Variants in ALDOB observed in about 807,000 individuals in gnomAD.
ALDOB encodes fructose-bisphosphate aldolase B.
Under a neutral mutation model 41.0 loss-of-function variants are expected in ALDOB, and 39 were observed. The observed-to-expected ratio is 0.95, with a 90% CI of 0.74 to 1.24. ALDOB has a LOEUF of 1.24. Among genes scored for constraint, ALDOB ranks in the 50% most tolerant of loss-of-function variants. The pLI, the probability that ALDOB is intolerant of heterozygous loss-of-function variation, is 0.00. For synonymous variants in ALDOB, 175 were observed against 168.8 expected (o/e 1.04, Z -0.28); for missense variants, 530 against 457.3 (o/e 1.16, Z -1.45).
chr9:101,432,695 A>T (rs1454436656), intron 1 of ALDOB, among the ~76,000 whole-genome samples: 51 of 152,142 alleles, frequency 3.4e-4, no homozygotes, highest in Non-Finnish European at 1.5e-5. Flanking sequence ...TTCCCCTCCC[A>T]TTTAATAGAT....
chr9:101,430,972 G>A, intron 1 of ALDOB, 75 bp from the exon 2 acceptor site: 1 of 999,662 alleles, frequency 1.0e-6, no homozygotes, highest in Non-Finnish European at 1.6e-6. Flanking sequence ...GACAGTTGGG[G>A]GTGCAGACAT....
chr9:101,422,536 T>C (rs1361970009), intron 8 of ALDOB, among the ~76,000 whole-genome samples: 1 of 152,204 alleles, frequency 6.6e-6, no homozygotes, highest in Non-Finnish European at 1.5e-5. Context: ...AGAAATTCCC[T>C]GGCCTTACCC....
intron 5 of ALDOB, 37 bp downstream of exon 5, chr9:101,427,445 G>T (rs546868362): frequency 2.0e-5 from 32 of 1,612,538 alleles, no homozygotes; most frequent in Non-Finnish European, 2.7e-5. Context: ...GAAAACTCTA[G>T]CCTACTCTTT....
intron 8 of ALDOB, among the ~76,000 whole-genome samples, chr9:101,422,128 G>GTTA (rs1487850423): frequency 6.6e-6 from 1 of 152,138 alleles, no homozygotes; most frequent in Non-Finnish European, 1.5e-5. Flanking sequence ...GTTTGTGTCA[G>GTTA]TTACTGGGGA....
rs1472415117 is a variant in ALDOB at position 101,421,462 on chromosome 9, A to C, written c.*347T>G. ...CTGCTAAGACTGTTTCATAAGATGC[A>C]CTTCTCTACACTCAGCTAATGAGGT... On this transcript the variant is annotated 3_prime_UTR_variant, in exon 9 of 9. Transcript: ENST00000647789. 2 of 367,452 alleles carry C rather than the reference A, an allele frequency of 5.4e-6. No individual in the cohort carries two copies. The highest frequency in any genetic ancestry group is 2.1e-5 in the African/African-American group (1 of 47,574). The allele number at this position is 367,452 out of a possible 1,614,324, so 22.8% of individuals were successfully genotyped here. A position where few individuals can be genotyped will look rare whatever the true frequency, so the allele number is the denominator to read the frequency against.
Position 101,429,935 on chromosome 9 carries a change from C to A in ALDOB, c.144G>T (p.Lys48Asn). The change falls in exon 3 of 9, where the codon AAG becomes AAT. Residue 48 changes from lysine (K) to asparagine (N), a missense_variant. Coordinates refer to ENST00000647789, the MANE Select transcript of ALDOB (RefSeq NM_000035.4). ...GTMGNRLQRI[K>N]VENTEENRRQ... ...GGCGGTTCTCTTCAGTGTTTTCCACCTTGATCCTCTGCAGGCGGTTCCCCA... is the reference window on the plus strand; with the variant it reads ...GGCGGTTCTCTTCAGTGTTTTCCACATTGATCCTCTGCAGGCGGTTCCCCA... 6.2e-7 allele frequency: 1 copy of A among 1,614,140 alleles called. No individual in the cohort carries two copies.
chr9:101,430,729 G>GA, intron 2 of ALDOB, 47 bp downstream of exon 2: 2 of 1,433,886 alleles, frequency 1.4e-6, no homozygotes, highest in South Asian at 2.3e-5. Flanking sequence ...GCTAAGTGTA[G>GA]AAAAAATAAT....
At chr9:101,425,835 C>T (rs1831120602) in intron 6 of ALDOB, among the ~76,000 whole-genome samples, 1 of 152,198 alleles carries the variant, frequency 6.6e-6, no homozygotes, top group Non-Finnish European at 1.5e-5. Context: ...GTCTTCATCA[C>T]CCCTAATCTA....
chr9:101,426,632 G>GATTT lies in ALDOB; in HGVS notation c.546_547insAAAT (p.Leu183LysfsTer7), dbSNP rs780040627. The GATTT allele has an allele frequency of 1.0e-5, 16 of 1,606,248 alleles. No homozygotes were observed. Among genetic ancestry groups the GATTT allele is most frequent in the Non-Finnish European group, 8.5e-7 (1 of 1,172,906 alleles). Reference sequence around the variant, plus strand: ...ACCTCTGGTTCAACAATAGGTACCAGTCCATTCTAAAAAGGAAAATCAAGG... The same window carrying GATTT: ...ACCTCTGGTTCAACAATAGGTACCAGATTTTCCATTCTAAAAAGGAAAATCAAGG... On this transcript the variant is annotated frameshift_variant, in exon 6 of 9. Transcript: ENST00000647789. LOFTEE classifies it high-confidence loss of function.
chr9:101,425,743 C>T, intron 6 of ALDOB, 116 bp from the exon 7 acceptor site: 1 of 1,185,926 alleles, frequency 8.4e-7, no homozygotes, highest in Non-Finnish European at 1.2e-6. Flanking sequence ...TGTTGCTTGG[C>T]AAAAGCTTCT....
rs1014228918 is a variant in ALDOB at position 101,424,916 on chromosome 9, C to A, written c.926G>T (p.Ser309Ile). 1.2e-5 allele frequency: 19 copies of A among 1,614,188 alleles called. No homozygotes were observed. The highest frequency in any genetic ancestry group is 1.6e-5 in the Non-Finnish European group (19 of 1,180,048). ...SFSYGRALQASALAAWGGKAA... is the reference protein window; with the variant it reads ...SFSYGRALQAIALAAWGGKAA... ...CTTGCCACCCCAGGCAGCCAGTGCA[C>A]TGGCCTGCAGGGCCCGTCCATAAGA... is the stretch of plus-strand genomic sequence containing the variant. The change falls in exon 8 of 9, where the codon AGT becomes ATT. Residue 309 changes from serine (S) to isoleucine (I), a missense_variant. By Grantham distance (142) the Ser-to-Ile change is moderately radical (BLOSUM62 -2). Transcript: ENST00000647789.
chr9:101,433,615 T>C (rs1831250596), intron 1 of ALDOB, among the ~76,000 whole-genome samples: 1 of 152,196 alleles, frequency 6.6e-6, no homozygotes, highest in Non-Finnish European at 1.5e-5. Flanking sequence ...TTCAGAGAAG[T>C]ATGCAATATA....
In ALDOB at chr9:101,427,368, G is replaced by A. The variant is rs187730845; in HGVS notation, c.540+114C>T. 2,189 of 1,352,618 alleles carry A rather than the reference G, an allele frequency of 1.6e-3. 3 individuals are homozygous for A. Among genetic ancestry groups the A allele is most frequent in the Non-Finnish European group, 2.0e-3 (1,941 of 975,662 alleles). 83.8% of individuals were successfully genotyped at this position (1,352,618 alleles called of 1,614,324 possible). A position where few individuals can be genotyped will look rare whatever the true frequency, so the allele number is the denominator to read the frequency against. On this transcript the variant is annotated intron_variant, in intron 5 of 8. Coordinates refer to ENST00000647789, the MANE Select transcript of ALDOB (RefSeq NM_000035.4). ...CAAAAGTTGTGAAAAATGCCACTAG[G>A]ATATACTGGTGAGGGAAAAGGAGGT...
chr9:101,428,547 G>T (rs763480329), intron 3 of ALDOB, 24 bp from the exon 4 acceptor site: 22 of 1,595,508 alleles, frequency 1.4e-5, no homozygotes, highest in Middle Eastern at 1.6e-4. Context: ...TAATTAACAG[G>T]TGTCAGATGT....
In ALDOB at chr9:101,425,614, A is replaced by T; in HGVS notation, c.638T>A (p.Val213Asp). The part of the protein sequence containing the change: ...QYVTEKVLAA[V>D]YKALNDHHVY... The stretch of plus-strand genomic sequence containing the variant: ...ATGATGGTCATTCAGGGCCTTGTAG[A>T]CAGCAGCCAGGACCTGAAGGACAAG... Residue 213 changes from valine (V) to aspartate (D), a missense_variant, in exon 7 of 9, where the codon GTC becomes GAC. Coordinates refer to ENST00000647789, the MANE Select transcript of ALDOB (RefSeq NM_000035.4). 1 of 1,614,160 alleles carries T rather than the reference A, an allele frequency of 6.2e-7. No individual in the cohort carries two copies. The highest frequency in any genetic ancestry group is 8.5e-7 in the Non-Finnish European group (1 of 1,180,038).
chr9:101,425,751 T>G lies in ALDOB; in HGVS notation c.625-124A>C, dbSNP rs1348350062. The G allele has an allele frequency of 7.8e-6, 8 of 1,024,690 alleles. No homozygotes were observed. In the East Asian group the frequency reaches 2.0e-4, roughly 26 times the overall value. 63.5% of individuals were successfully genotyped at this position (1,024,690 alleles called of 1,614,324 possible). A position where few individuals can be genotyped will look rare whatever the true frequency, so the allele number is the denominator to read the frequency against. On this transcript the variant is annotated intron_variant, in intron 6 of 8. Coordinates refer to ENST00000647789, the MANE Select transcript of ALDOB (RefSeq NM_000035.4). Reference sequence around the variant, plus strand: ...TCTTATTTGTTGCTTGGCAAAAGCTTCTGAACCAATCTCCAGGCCTCATTA... The same window carrying G: ...TCTTATTTGTTGCTTGGCAAAAGCTGCTGAACCAATCTCCAGGCCTCATTA...
chr9:101,428,571 G>T, intron 3 of ALDOB, 48 bp from the exon 4 acceptor site: 1 of 1,467,880 alleles, frequency 6.8e-7, no homozygotes, highest in East Asian at 2.3e-5. Context: ...GAAAACACAA[G>T]CAGAACTCTT....
chr9:101,426,342 C>T (rs1831128098), intron 6 of ALDOB, among the ~76,000 whole-genome samples: 1 of 152,128 alleles, frequency 6.6e-6, no homozygotes, highest in Non-Finnish European at 1.5e-5. Flanking sequence ...ATTCTCCAAC[C>T]CAAGTCTTGG....
Position 101,421,802 on chromosome 9 carries a change from T to C in ALDOB, c.*7A>G, listed in dbSNP as rs750438193. 1 of 1,613,370 alleles carries C rather than the reference T, an allele frequency of 6.2e-7. No individual in the cohort carries two copies. Among genetic ancestry groups the C allele is most frequent in the Middle Eastern group, 1.7e-4 (1 of 6,056 alleles). ...AGCACTGGAGCTAGGCTGGCGGGCATTGGACCCTAGTAGGTATAGCAGGCT... is the reference window on the plus strand; with the variant it reads ...AGCACTGGAGCTAGGCTGGCGGGCACTGGACCCTAGTAGGTATAGCAGGCT... On this transcript the variant is annotated 3_prime_UTR_variant, in exon 9 of 9. Coordinates refer to ENST00000647789, the MANE Select transcript of ALDOB (RefSeq NM_000035.4).
Sources: allele counts gnomAD v4.1 joint callset (sites outside exome capture counted in the v4.1 genomes callset), GRCh38; gene constraint gnomAD v4.1.1; transcripts MANE v1.5; gene names NCBI Gene and HGNC (gene_info 2026-07-23, HGNC 2026-07-21).